The following TCF12 variants were observed in gnomAD, a reference collection of about 807,000 sequenced individuals.
TCF12 encodes transcription factor 12.
In TCF12, 45 loss-of-function variants were observed where a neutral mutation model predicts 86.0. The observed-to-expected ratio is 0.52, with a 90% CI of 0.41 to 0.67. The LOEUF is 0.67. Ranked by LOEUF, TCF12 falls within the 30% of genes least tolerant of loss-of-function variation. The pLI is 0.00. For synonymous variants in TCF12, 330 were observed against 299.6 expected, an observed-to-expected ratio of 1.10 and a Z score of -1.05; for missense variants, 881 against 859.9, an observed-to-expected ratio of 1.02 and a Z score of -0.31.
At chr15:57,157,424 T>C (rs1036487031) in intron 5 of TCF12, among the ~76,000 whole-genome samples, 1 of 152,176 alleles carries the variant, frequency 6.6e-6, no homozygotes, top group Non-Finnish European at 1.5e-5. Flanking sequence ...TTCTGAACTT[T>C]AGGCAAAGCA....
chr15:57,001,010 A>C (rs950566521), intron 3 of TCF12, among the ~76,000 whole-genome samples: 216 of 135,898 alleles, frequency 1.6e-3, no homozygotes, highest in African/African-American at 5.2e-3. Flanking sequence ...AATTTAAAAA[A>C]AATTTTTTTT....
At chr15:57,082,985 A>G (rs1418475173) in intron 4 of TCF12, among the ~76,000 whole-genome samples, 1 of 152,218 alleles carries the variant, frequency 6.6e-6, no homozygotes, top group Non-Finnish European at 1.5e-5. Flanking sequence ...AGTGACATGT[A>G]TATACCAGTG....
At chr15:57,257,679 G>GTATA (rs55834033) in intron 16 of TCF12, among the ~76,000 whole-genome samples, 9,394 of 140,068 alleles carry the variant, frequency 0.067, 422 homozygotes, top group Non-Finnish European at 0.097. Flanking sequence ...AAAAAAAAGT[G>GTATA]TATATATATA....
At chr15:57,165,255 G>T (rs886200420) in intron 5 of TCF12, among the ~76,000 whole-genome samples, 1 of 151,720 alleles carries the variant, frequency 6.6e-6, no homozygotes, top group Non-Finnish European at 1.5e-5. Flanking sequence ...TATATAAACT[G>T]GTTTTATTTG....
intron 3 of TCF12, among the ~76,000 whole-genome samples, chr15:57,049,348 A>G (rs1393791228): frequency 6.6e-6 from 1 of 152,220 alleles, no homozygotes; most frequent in African/African-American, 2.4e-5. Context: ...GCAGCACTCC[A>G]GAAAGATGTC....
intron 4 of TCF12, among the ~76,000 whole-genome samples, chr15:57,087,162 C>G (rs1302338371): frequency 6.6e-6 from 1 of 151,462 alleles, no homozygotes; most frequent in African/African-American, 2.4e-5. Flanking sequence ...ATTTGATTGC[C>G]CACATTTTGG....
intron 5 of TCF12, chr15:57,118,412 T>C (rs2050991550): frequency 6.6e-6 from 1 of 152,230 alleles, no homozygotes; most frequent in Non-Finnish European, 1.5e-5. Flanking sequence ...CTTTTCCCTT[T>C]AGTGGGTGCT....
intron 8 of TCF12, among the ~76,000 whole-genome samples, chr15:57,220,352 T>C (rs1345692032): frequency 6.6e-6 from 1 of 152,188 alleles, no homozygotes; most frequent in African/African-American, 2.4e-5. Context: ...GCTCTGGTAA[T>C]GATTAGGGAA....
At chr15:56,918,551 C>G (rs1483277699), upstream of TCF12, 4 of 273,212 alleles carry the variant, frequency 1.5e-5, no homozygotes, top group African/African-American at 7.1e-5. Context: ...TCCTCCCCGC[C>G]CCCTCTGCCG....
intron 5 of TCF12, among the ~76,000 whole-genome samples, chr15:57,098,728 G>A (rs779449305): frequency 5.3e-5 from 8 of 152,146 alleles, no homozygotes; most frequent in Non-Finnish European, 1.0e-4. Context: ...CACTCTTTTT[G>A]TTATAAGTGA....
At chr15:56,961,009 G>T (rs907408683) in intron 3 of TCF12, among the ~76,000 whole-genome samples, 6 of 151,274 alleles carry the variant, frequency 4.0e-5, no homozygotes, top group African/African-American at 1.5e-4. Context: ...GTGTGGTGGC[G>T]GGCACCTGTA....
intron 5 of TCF12, among the ~76,000 whole-genome samples, chr15:57,162,202 A>G (rs1215715269): frequency 6.6e-6 from 1 of 151,906 alleles, no homozygotes; most frequent in Admixed American, 6.6e-5. Flanking sequence ...TTGACTGGTT[A>G]AAATTGTCTA....
In TCF12 at chr15:57,287,758, A is replaced by G. The variant is rs1223947875; in HGVS notation, c.*1613A>G. On this transcript the variant is annotated 3_prime_UTR_variant, in exon 21 of 21. Coordinates refer to ENST00000333725, the MANE Select transcript of TCF12 (RefSeq NM_207037.2). ...AGACAGAACTTCTGGTACTCTAATC[A>G]GGATGATTCCTAACAAGTCAGTCAT... 1.3e-5 allele frequency: 2 copies of G among 152,650 alleles called. No individual in the cohort carries two copies. Among genetic ancestry groups the G allele is most frequent in the African/African-American group, 2.4e-5 (1 of 41,458 alleles). The allele number at this position is 152,650 out of a possible 1,614,324, so 9.5% of individuals were successfully genotyped here. A position where few individuals can be genotyped will look rare whatever the true frequency, so the allele number is the denominator to read the frequency against.
At chr15:57,170,649 ATATTATATAAAATAT>A (rs1567557268) in intron 6 of TCF12, among the ~76,000 whole-genome samples, 2 of 43,732 alleles carry the variant, frequency 4.6e-5, no homozygotes, top group Non-Finnish European at 8.1e-5. Flanking sequence ...TATAATATAT[ATATTATATAAAATAT>A]ATATATATAT....
intron 3 of TCF12, among the ~76,000 whole-genome samples, chr15:56,956,219 G>C (rs61382868): frequency 0.072 from 10,818 of 151,230 alleles, 1,014 homozygotes; most frequent in East Asian, 0.29. Flanking sequence ...TGTAATTATT[G>C]ATATGACTGT....
At chr15:57,037,936 TAAGCTATCTTAAAAA>T in intron 3 of TCF12, among the ~76,000 whole-genome samples, 1 of 152,346 alleles carries the variant, frequency 6.6e-6, no homozygotes, top group South Asian at 2.1e-4. Context: ...TAAAGTGAAA[TAAGCTATCTTAAAAA>T]CAGCTTGATG....
chr15:57,207,283 C>T (rs115792971), intron 8 of TCF12, among the ~76,000 whole-genome samples: 1,756 of 152,216 alleles, frequency 0.012, 33 homozygotes, highest in African/African-American at 0.04. Flanking sequence ...CTAGAAAATT[C>T]ATTTTTTCAA....
At chr15:56,956,006 T>A (rs1413387666) in intron 3 of TCF12, among the ~76,000 whole-genome samples, 1 of 152,166 alleles carries the variant, frequency 6.6e-6, no homozygotes, top group Non-Finnish European at 1.5e-5. Flanking sequence ...TTTCTGATAA[T>A]GGCTTAGAAA....
At chr15:57,055,909 C>G (rs1283431647) in intron 3 of TCF12, among the ~76,000 whole-genome samples, 1 of 152,124 alleles carries the variant, frequency 6.6e-6, no homozygotes, top group African/African-American at 2.4e-5. Flanking sequence ...TTTGTTCTCT[C>G]ATTATACCTA....
Sources: allele counts gnomAD v4.1 joint callset (sites outside exome capture counted in the v4.1 genomes callset), GRCh38; gene constraint gnomAD v4.1.1; transcripts MANE v1.5; gene names NCBI Gene and HGNC (gene_info 2026-07-23, HGNC 2026-07-21).